SHISA9: variants seen among roughly 807,000 people sequenced by gnomAD.
SHISA9 encodes protein shisa-9.
A neutral mutation model predicts 38.0 loss-of-function variants in SHISA9; 13 were observed. The ratio of observed to expected loss-of-function variants is 0.34; its 90% CI spans 0.22 to 0.54. The LOEUF is 0.54. SHISA9 is among the 20% of genes least tolerant of loss of function. The pLI, the probability that SHISA9 is intolerant of heterozygous loss-of-function variation, is 0.91. For missense variants in SHISA9, 538 were observed against 575.8 expected, an observed-to-expected ratio of 0.93 and a Z score of 0.67; for synonymous variants, 275 against 242.0, an observed-to-expected ratio of 1.14 and a Z score of -1.27.
At chr16:12,936,377 C>T (rs2077081229) in intron 2 of SHISA9, among the ~76,000 whole-genome samples, 1 of 152,198 alleles carries the variant, frequency 6.6e-6, no homozygotes, top group African/African-American at 2.4e-5. Context: ...GTCATATTCT[C>T]TTACCTTACT....
At chr16:13,249,939 G>T in the SHISA9 span, among the ~76,000 whole-genome samples, 3 of 152,074 alleles carry the variant, frequency 2.0e-5, no homozygotes, top group Non-Finnish European at 4.4e-5. Flanking sequence ...TTGCTATGTT[G>T]CCCAGACTGG....
chr16:13,287,967 G>T, the SHISA9 span, among the ~76,000 whole-genome samples: 1 of 152,150 alleles, frequency 6.6e-6, no homozygotes, highest in African/African-American at 2.4e-5. Context: ...TCACAGAGAA[G>T]AGTGTGGATG....
intron 1 of SHISA9, among the ~76,000 whole-genome samples, chr16:12,913,656 C>T (rs1049632887): frequency 1.3e-4 from 20 of 152,202 alleles, no homozygotes; most frequent in South Asian, 2.1e-4. Flanking sequence ...TATCCATTAG[C>T]AGCCACTTTC....
At chr16:12,972,545 C>T (rs2141813198) in intron 2 of SHISA9, among the ~76,000 whole-genome samples, 1 of 152,188 alleles carries the variant, frequency 6.6e-6, no homozygotes, top group East Asian at 1.9e-4. Context: ...CAGCACTGTC[C>T]AAATCAACTT....
chr16:12,970,392 T>TATATAC lies in SHISA9; in HGVS notation c.691+53582_691+53583insCATATA, dbSNP rs1567356999. On this transcript the variant is annotated intron_variant, in intron 2 of 4. Transcript: ENST00000558583. ...ATACATATATATATACATATATGTA[T>TATATAC]ATATATATATACATATATATATATA... Among the ~76,000 whole-genome samples, 21 of 9,646 alleles carry TATATAC rather than the reference T, an allele frequency of 2.2e-3. 1 individual carries two copies. The highest frequency in any genetic ancestry group is 0.021 in the South Asian group (5 of 240). 6.3% of individuals were successfully genotyped at this position (9,646 alleles called of 152,430 possible). A position where few individuals can be genotyped will look rare whatever the true frequency, so the allele number is the denominator to read the frequency against.
At chr16:13,413,358 A>C in the SHISA9 span, among the ~76,000 whole-genome samples, 56 of 152,296 alleles carry the variant, frequency 3.7e-4, no homozygotes, top group East Asian at 2.7e-3. Flanking sequence ...CTATTTATGA[A>C]GCTCCTTCCT....
At chr16:13,478,299 G>C in the SHISA9 span, among the ~76,000 whole-genome samples, 3 of 139,352 alleles carry the variant, frequency 2.2e-5, no homozygotes, top group African/African-American at 8.5e-5. Context: ...AGTGCTGAGA[G>C]TTTTGGGCTT....
intron 2 of SHISA9, among the ~76,000 whole-genome samples, chr16:13,137,001 G>A (rs1247787836): frequency 6.6e-6 from 1 of 152,170 alleles, no homozygotes; most frequent in Admixed American, 6.5e-5. Flanking sequence ...AATTATTGAT[G>A]TCTGTCTCCG....
the SHISA9 span, among the ~76,000 whole-genome samples, chr16:13,518,169 C>A: frequency 2.0e-5 from 3 of 152,098 alleles, no homozygotes; most frequent in African/African-American, 7.2e-5. Flanking sequence ...AGCTGCCCTG[C>A]AACACACTAC....
intron 2 of SHISA9, among the ~76,000 whole-genome samples, chr16:13,170,977 A>G (rs1375573969): frequency 6.6e-6 from 1 of 152,182 alleles, no homozygotes; most frequent in Non-Finnish European, 1.5e-5. Flanking sequence ...GTTGAAGGAA[A>G]AAATAAAAAA....
chr16:13,396,235 A>G, the SHISA9 span, among the ~76,000 whole-genome samples: 1 of 152,220 alleles, frequency 6.6e-6, no homozygotes, highest in Non-Finnish European at 1.5e-5. Context: ...GGCCGGATGC[A>G]ATGGCTCACG....
At chr16:13,099,160 G>T (rs2073854835) in intron 2 of SHISA9, among the ~76,000 whole-genome samples, 1 of 152,208 alleles carries the variant, frequency 6.6e-6, no homozygotes, top group South Asian at 2.1e-4. Flanking sequence ...GATCATCTAT[G>T]GCTGATGCTG....
the SHISA9 span, among the ~76,000 whole-genome samples, chr16:13,271,277 A>G: frequency 1.3e-5 from 2 of 152,194 alleles, no homozygotes; most frequent in Non-Finnish European, 2.9e-5. Context: ...ACTCTGTAGA[A>G]CAGTTCCCTG....
At position 13,145,340 on chromosome 16, in the gene SHISA9, C is replaced by T. The variant is rs376261356; in HGVS notation, c.692-58054C>T. ...AGGAGTTCAAGATCAGCCTGGTCAA[C>T]ATGGCAAAACCCTGTCTCTACTAAA... On this transcript the variant is annotated intron_variant, in intron 2 of 4. Coordinates refer to ENST00000558583, the MANE Select transcript of SHISA9 (RefSeq NM_001145204.3). Among the ~76,000 whole-genome samples, 557 of 152,312 alleles carry T rather than the reference C, an allele frequency of 3.7e-3. 2 individuals are homozygous for T. Among genetic ancestry groups the T allele is most frequent in the Non-Finnish European group, 6.6e-3 (450 of 68,028 alleles).
intron 2 of SHISA9, among the ~76,000 whole-genome samples, chr16:13,034,622 G>T (rs2073031641): frequency 6.6e-6 from 1 of 151,922 alleles, no homozygotes; most frequent in African/African-American, 2.4e-5. Flanking sequence ...ATGTGACTTT[G>T]CAGTTTCCAT....
chr16:13,541,400 AC>A, the SHISA9 span, among the ~76,000 whole-genome samples: 1 of 152,182 alleles, frequency 6.6e-6, no homozygotes, highest in African/African-American at 2.4e-5. Context: ...ATATAGCCCC[AC>A]AAAATGTGCA....
the SHISA9 span, among the ~76,000 whole-genome samples, chr16:13,550,435 C>G: frequency 6.6e-6 from 1 of 152,214 alleles, no homozygotes; most frequent in African/African-American, 2.4e-5. Context: ...TTTCCGGAAC[C>G]AGCAAAATGT....
intron 2 of SHISA9, among the ~76,000 whole-genome samples, chr16:13,057,771 T>C (rs532609343): frequency 2.6e-5 from 4 of 152,222 alleles, no homozygotes; most frequent in Admixed American, 1.3e-4. Context: ...TATGAAGCCC[T>C]GCATGCCTTA....
the SHISA9 span, among the ~76,000 whole-genome samples, chr16:13,302,725 A>T: frequency 6.6e-6 from 1 of 152,118 alleles, no homozygotes; most frequent in South Asian, 2.1e-4. Flanking sequence ...AGTACGACTG[A>T]TACAGTTTGA....
Sources: allele counts gnomAD v4.1 joint callset (sites outside exome capture counted in the v4.1 genomes callset), GRCh38; gene constraint gnomAD v4.1.1; transcripts MANE v1.5; gene names NCBI Gene and HGNC (gene_info 2026-07-23, HGNC 2026-07-21).